HPCAL1: variants seen among roughly 807,000 people sequenced by gnomAD.
HPCAL1 encodes hippocalcin-like protein 1.
Under a neutral mutation model 17.1 loss-of-function variants are expected in HPCAL1, and 8 were observed. The ratio of observed to expected loss-of-function variants is 0.47; its 90% CI spans 0.27 to 0.84. The LOEUF is 0.84. HPCAL1 is among the 40% of genes least tolerant of loss of function. The probability of loss-of-function intolerance (pLI) is 0.13; values close to 1 mark genes in which losing one functional copy is unlikely to be tolerated. For synonymous variants in HPCAL1, 112 were observed against 111.4 expected, an observed-to-expected ratio of 1.01 and a Z score of -0.03; for missense variants, 165 against 271.1, an observed-to-expected ratio of 0.61 and a Z score of 2.75.
chr2:10,345,103 GTGTGTCTGTCTCTGTCTCTGTA>G (rs1665338649), intron 1 of HPCAL1, among the ~76,000 whole-genome samples: 1 of 151,216 alleles, frequency 6.6e-6, no homozygotes, highest in South Asian at 2.1e-4. Flanking sequence ...GCCTCTCTCT[GTGTGTCTGTCTCTGTCTCTGTA>G]TGTGTCTGTC....
chr2:10,402,954 G>T (rs1239855342), intron 2 of HPCAL1, among the ~76,000 whole-genome samples: 1 of 152,148 alleles, frequency 6.6e-6, no homozygotes, highest in Non-Finnish European at 1.5e-5. Flanking sequence ...CTTACAAATG[G>T]TTTCCACCCG....
chr2:10,419,640 G>T lies in HPCAL1; in HGVS notation c.-24-94G>T. On this transcript the variant is annotated intron_variant, in intron 2 of 4. Coordinates refer to ENST00000307845, the MANE Select transcript of HPCAL1 (RefSeq NM_002149.4). The surrounding 1 kb of genome is among the most constrained non-coding windows in gnomAD (Gnocchi z 5.0). ...CGGGAGTTGCTGAGTCGCAGCGCTT[G>T]CACAGCGATGGGCTTATTTGGTCTC... 2 of 1,264,008 alleles carry T rather than the reference G, an allele frequency of 1.6e-6. No individual in the cohort carries two copies. The highest frequency in any genetic ancestry group is 1.1e-6 in the Non-Finnish European group (1 of 932,870). The allele number at this position is 1,264,008 out of a possible 1,614,324, so 78.3% of individuals were successfully genotyped here.
At chr2:10,392,090 G>A (rs1213377709) in intron 1 of HPCAL1, among the ~76,000 whole-genome samples, 3 of 151,378 alleles carry the variant, frequency 2.0e-5, no homozygotes, top group South Asian at 2.1e-4. Flanking sequence ...TCCCTCGGGC[G>A]GGAGTGCAGT....
At chr2:10,334,990 T>C (rs1664632019) in intron 1 of HPCAL1, among the ~76,000 whole-genome samples, 2 of 152,354 alleles carry the variant, frequency 1.3e-5, no homozygotes, top group South Asian at 4.1e-4. Context: ...ATTGTCTAAA[T>C]AAGCCATCGT....
chr2:10,306,040 A>AC (rs1223991390), intron 1 of HPCAL1, among the ~76,000 whole-genome samples: 1 of 151,976 alleles, frequency 6.6e-6, no homozygotes, highest in Non-Finnish European at 1.5e-5. Flanking sequence ...TTATTCTAAG[A>AC]CCCTTTTTGC....
At chr2:10,307,200 A>T (rs1041998543) in intron 1 of HPCAL1, among the ~76,000 whole-genome samples, 19 of 152,204 alleles carry the variant, frequency 1.2e-4, no homozygotes, top group Non-Finnish European at 2.8e-4. Context: ...TACGTACTGC[A>T]TGGATAAGGT....
At chr2:10,414,578 T>A (rs1367163088) in intron 2 of HPCAL1, among the ~76,000 whole-genome samples, 1 of 152,198 alleles carries the variant, frequency 6.6e-6, no homozygotes, top group Non-Finnish European at 1.5e-5. Flanking sequence ...CCTAATGACC[T>A]CTTTAAAGAC....
intron 4 of HPCAL1, 69 bp downstream of exon 4, chr2:10,423,157 A>C: frequency 8.5e-7 from 1 of 1,183,012 alleles, no homozygotes; most frequent in Non-Finnish European, 1.3e-6. Flanking sequence ...GGTTTGGGGC[A>C]CCCCCTCCCC....
chr2:10,333,161 G>A (rs1187264968), intron 1 of HPCAL1, among the ~76,000 whole-genome samples: 1 of 152,230 alleles, frequency 6.6e-6, no homozygotes, highest in African/African-American at 2.4e-5. Flanking sequence ...GTAAATGCTA[G>A]ACAAAGATTC....
chr2:10,376,744 C>A (rs1284183584), intron 1 of HPCAL1, among the ~76,000 whole-genome samples: 1 of 152,058 alleles, frequency 6.6e-6, no homozygotes, highest in Admixed American at 6.5e-5. Flanking sequence ...GCCTTTATAT[C>A]TCTTGACTGT....
intron 1 of HPCAL1, among the ~76,000 whole-genome samples, chr2:10,309,453 GT>G: frequency 6.6e-6 from 1 of 152,354 alleles, no homozygotes; most frequent in East Asian, 1.9e-4. Flanking sequence ...TTCCGCCCTT[GT>G]TTTGGTAGTA....
chr2:10,417,138 G>A (rs1056312664), intron 2 of HPCAL1, among the ~76,000 whole-genome samples: 1 of 151,932 alleles, frequency 6.6e-6, no homozygotes, highest in Non-Finnish European at 1.5e-5. Flanking sequence ...TGAGGCAGGT[G>A]GATCACCTGA....
At chr2:10,360,393 C>G (rs1666445985) in intron 1 of HPCAL1, among the ~76,000 whole-genome samples, 2 of 151,962 alleles carry the variant, frequency 1.3e-5, no homozygotes, top group African/African-American at 2.4e-5. Flanking sequence ...GAACCTCCAC[C>G]TGCTGGGTAG....
intron 2 of HPCAL1, among the ~76,000 whole-genome samples, chr2:10,405,942 G>A (rs1669943448): frequency 6.6e-6 from 1 of 152,194 alleles, no homozygotes; most frequent in African/African-American, 2.4e-5. Flanking sequence ...TCACATGGTT[G>A]TTTCAGCTTT....
chr2:10,361,490 G>T (rs1056303457), intron 1 of HPCAL1, among the ~76,000 whole-genome samples: 1 of 152,144 alleles, frequency 6.6e-6, no homozygotes, highest in South Asian at 2.1e-4. Context: ...AACCAGTCAG[G>T]TTTAGGGACT....
intron 1 of HPCAL1, among the ~76,000 whole-genome samples, chr2:10,381,139 C>T (rs184663502): frequency 9.2e-5 from 14 of 152,282 alleles, no homozygotes; most frequent in East Asian, 5.8e-4. Context: ...CCTGATGGCC[C>T]GGTCTGAGGT....
intron 1 of HPCAL1, among the ~76,000 whole-genome samples, chr2:10,368,227 A>G (rs545634004): frequency 3.5e-5 from 5 of 143,466 alleles, no homozygotes; most frequent in Non-Finnish European, 6.0e-5. Flanking sequence ...GCGTGTGTAC[A>G]CATATGCATG....
chr2:10,414,836 C>G (rs1048984043), intron 2 of HPCAL1, among the ~76,000 whole-genome samples: 1 of 152,198 alleles, frequency 6.6e-6, no homozygotes, highest in African/African-American at 2.4e-5. Flanking sequence ...AGGTGCAGAA[C>G]ACAGCCTTCT....
chr2:10,334,572 T>G (rs971998571), intron 1 of HPCAL1, among the ~76,000 whole-genome samples: 2 of 151,768 alleles, frequency 1.3e-5, no homozygotes, highest in African/African-American at 2.4e-5. Context: ...TATATATCAC[T>G]TTGTAATTTG....
Sources: allele counts gnomAD v4.1 joint callset (sites outside exome capture counted in the v4.1 genomes callset), GRCh38; gene constraint gnomAD v4.1.1; non-coding constraint Gnocchi (gnomAD v3.1); transcripts MANE v1.5; gene names NCBI Gene and HGNC (gene_info 2026-07-23, HGNC 2026-07-21).